Variants in SERPINC1 observed in about 807,000 individuals in gnomAD.
SERPINC1 encodes antithrombin-III.
A neutral mutation model predicts 43.4 loss-of-function variants in SERPINC1; 12 were observed. The observed-to-expected ratio is 0.28, with a 90% confidence interval of 0.18 to 0.45. The LOEUF (loss-of-function observed/expected upper bound fraction) is 0.45, where lower values mean the gene tolerates loss of function less well. SERPINC1 is among the 20% of genes least tolerant of loss of function. The pLI is 1.00. For synonymous variants in SERPINC1, 210 were observed against 218.9 expected (o/e 0.96, Z 0.36); for missense variants, 423 against 578.8 (o/e 0.73, Z 2.76).
intron 5 of SERPINC1, among the ~76,000 whole-genome samples, 199 bp from the exon 6 acceptor site, chr1:173,907,713 C>T (rs956578433): frequency 1.3e-5 from 2 of 152,142 alleles, no homozygotes; most frequent in African/African-American, 4.8e-5. Flanking sequence ...GGTGCAGTGG[C>T]TCACACCTGT....
intron 5 of SERPINC1, among the ~76,000 whole-genome samples, 178 bp downstream of exon 5, chr1:173,909,374 A>G (rs1657664697): frequency 6.6e-6 from 1 of 152,230 alleles, no homozygotes; most frequent in Non-Finnish European, 1.5e-5. Context: ...TCCCTTTTAC[A>G]GAAGAGGAAA....
intron 5 of SERPINC1, among the ~76,000 whole-genome samples, chr1:173,908,575 TTTAG>T (rs1657629557): frequency 6.6e-6 from 1 of 151,742 alleles, no homozygotes; most frequent in African/African-American, 2.4e-5. Context: ...TATTTATTTA[TTTAG>T]TGATAGGACC....
chr1:173,909,308 T>TA (rs1657662202), intron 5 of SERPINC1, among the ~76,000 whole-genome samples: 1 of 152,194 alleles, frequency 6.6e-6, no homozygotes, highest in African/African-American at 2.4e-5. Flanking sequence ...CTCTACCTGA[T>TA]ACAGACTCAC....
intron 6 of SERPINC1, among the ~76,000 whole-genome samples, chr1:173,906,869 G>T (rs1657538532): frequency 6.6e-6 from 1 of 152,134 alleles, no homozygotes; most frequent in Non-Finnish European, 1.5e-5. Flanking sequence ...TGTAATCCCA[G>T]CACTTTGGGG....
At chr1:173,910,070 C>A in intron 4 of SERPINC1, 128 bp from the exon 5 acceptor site, 1 of 919,960 alleles carries the variant, frequency 1.1e-6, no homozygotes, top group Non-Finnish European at 1.7e-6. Context: ...GGGATATGCA[C>A]AAAAAGGTTA....
chr1:173,911,338 A>G (rs1013367906), intron 3 of SERPINC1, among the ~76,000 whole-genome samples: 2 of 152,198 alleles, frequency 1.3e-5, no homozygotes, highest in African/African-American at 2.4e-5. Flanking sequence ...AGTCAAATAC[A>G]TTTGAGGAAT....
intron 4 of SERPINC1, 123 bp from the exon 5 acceptor site, chr1:173,910,065 A>G: frequency 1.0e-6 from 1 of 962,802 alleles, no homozygotes; most frequent in Non-Finnish European, 1.6e-6. Flanking sequence ...CTGGCGGGAT[A>G]TGCACAAAAA....
At chr1:173,915,185 C>G (rs949657497) in intron 1 of SERPINC1, 22 of 1,340,274 alleles carry the variant, frequency 1.6e-5, no homozygotes, top group Non-Finnish European at 2.0e-5. Context: ...CAATTCCCCA[C>G]GCTGGGAGAA....
intron 2 of SERPINC1, among the ~76,000 whole-genome samples, chr1:173,913,514 C>T (rs963621098): frequency 5.3e-5 from 8 of 152,292 alleles, no homozygotes; most frequent in Middle Eastern, 3.4e-3. Flanking sequence ...GTGGCTCATG[C>T]TTGTAATCCC....
intron 4 of SERPINC1, 79 bp from the exon 5 acceptor site, chr1:173,910,021 T>A: frequency 7.2e-7 from 1 of 1,383,560 alleles, no homozygotes; most frequent in African/African-American, 1.4e-5. Flanking sequence ...CATATTATAG[T>A]GTTACATTAA....
At chr1:173,904,422 T>A (rs945735502) in intron 6 of SERPINC1, among the ~76,000 whole-genome samples, 1 of 152,202 alleles carries the variant, frequency 6.6e-6, no homozygotes, top group Non-Finnish European at 1.5e-5. Context: ...GCTCAAGATC[T>A]GAACTCCATA....
Position 173,909,535 on chromosome 1 carries a change from C to T in SERPINC1, c.1153+17G>A, listed in dbSNP as rs779331710. On this transcript the variant is annotated intron_variant, in intron 5 of 6. Transcript: ENST00000367698. ...CCTTGCGGGTGGAGAAGGGAGGAAA[C>T]TCCTTCCTAGACAAACCTGGGAGTT... is the stretch of plus-strand genomic sequence containing the variant. 3 of 1,612,818 alleles carry T rather than the reference C, an allele frequency of 1.9e-6. No individual in the cohort carries two copies. The highest frequency in any genetic ancestry group is 2.7e-5 in the African/African-American group (2 of 74,938).
Position 173,903,866 on chromosome 1 carries a change from G to A in SERPINC1, c.*23C>T. 1.2e-6 allele frequency: 2 copies of A among 1,607,852 alleles called. No individual in the cohort carries two copies. The highest frequency in any genetic ancestry group is 1.7e-6 in the Non-Finnish European group (2 of 1,174,440). On this transcript the variant is annotated 3_prime_UTR_variant, in exon 7 of 7. Transcript: ENST00000367698. ...TCTGTTCACAAACCAAAAATAGGAAGAGGTGCAAAGAATAAGAACATTTTA... is the reference window on the plus strand; with the variant it reads ...TCTGTTCACAAACCAAAAATAGGAAAAGGTGCAAAGAATAAGAACATTTTA...
At chr1:173,913,029 A>G (rs1037899991) in intron 2 of SERPINC1, among the ~76,000 whole-genome samples, 1 of 152,196 alleles carries the variant, frequency 6.6e-6, no homozygotes, top group Non-Finnish European at 1.5e-5. Context: ...GACTTGGGTT[A>G]ACTCACCCCA....
intron 3 of SERPINC1, 142 bp from the exon 4 acceptor site, chr1:173,911,033 G>C (rs1233053943): frequency 5.9e-6 from 5 of 854,594 alleles, no homozygotes; most frequent in Non-Finnish European, 7.9e-6. Context: ...AACCCAAATT[G>C]GGGAAGCCTC....
intron 5 of SERPINC1, 52 bp from the exon 6 acceptor site, chr1:173,907,566 A>G: frequency 1.5e-6 from 2 of 1,329,734 alleles, no homozygotes; most frequent in Non-Finnish European, 2.2e-6. Flanking sequence ...GTTGGCTTCA[A>G]CCCACAGATG....
Position 173,914,895 on chromosome 1 carries a change from C to T in SERPINC1, c.66G>A (p.Leu22=), listed in dbSNP as rs1255220914. The T allele has an allele frequency of 1.2e-6, 2 of 1,614,032 alleles. No homozygotes were observed. Among genetic ancestry groups the T allele is most frequent in the Non-Finnish European group, 1.7e-6 (2 of 1,180,028 alleles). The change falls in exon 2 of 7, where the codon CTG becomes CTA. Residue 22 remains leucine, a synonymous_variant. Transcript: ENST00000367698. ...GKRKVYLLSL[L]LIGFWDCVTC... ...TCACGCAGTCCCAGAAGCCAATGAG[C>T]AGCAAGGACAAAAGATAAACCTTCC... is the stretch of plus-strand genomic sequence containing the variant.
chr1:173,917,108 A>C lies in SERPINC1; in HGVS notation c.41+111T>G, dbSNP rs993288398. The C allele has an allele frequency of 6.6e-6, 6 of 911,378 alleles. No individual in the cohort carries two copies. The African/African-American group carries it at 9.7e-5, about 15-fold the overall frequency. 56.5% of individuals were successfully genotyped at this position (911,378 alleles called of 1,614,324 possible). On this transcript the variant is annotated intron_variant, in intron 1 of 6. Coordinates refer to ENST00000367698, the MANE Select transcript of SERPINC1 (RefSeq NM_000488.4). ...TCCAAACAGGTCTTTGACTGTAACT[A>C]CCAGGGAGAGGGCCTGGTCTTCTCA... is the stretch of plus-strand genomic sequence containing the variant.
chr1:173,912,447 C>CT (rs1184261505), intron 2 of SERPINC1, among the ~76,000 whole-genome samples: 1 of 152,156 alleles, frequency 6.6e-6, no homozygotes, highest in African/African-American at 2.4e-5. Context: ...AAGAGTGAAT[C>CT]TATCAGCAAG....
Sources: gnomAD v4.1 joint callset for allele counts (sites outside exome capture counted in the v4.1 genomes callset) on GRCh38, gnomAD v4.1.1 for gene constraint, MANE v1.5 for transcripts, NCBI Gene and HGNC (gene_info 2026-07-23, HGNC 2026-07-21) for gene names.